Variants in PRSS22 observed in about 807,000 individuals in gnomAD.
The protein encoded by PRSS22 is serine protease 22.
In PRSS22, 26 loss-of-function variants were observed where a neutral mutation model predicts 28.0. That is an observed-to-expected ratio of 0.93 (90% CI 0.68 to 1.29). The LOEUF (loss-of-function observed/expected upper bound fraction) is 1.29, where lower values mean the gene tolerates loss of function less well. PRSS22 is among the 50% of genes most tolerant of loss of function. The probability of loss-of-function intolerance (pLI) is 0.00; values close to 1 mark genes in which losing one functional copy is unlikely to be tolerated. For synonymous variants in PRSS22, 217 were observed against 177.9 expected (o/e 1.22, Z -1.75); for missense variants, 444 against 422.1 (o/e 1.05, Z -0.46).
intron 4 of PRSS22, chr16:2,854,409 G>A (rs1441025693): frequency 9.7e-6 from 2 of 205,484 alleles, no homozygotes; most frequent in Non-Finnish European, 2.0e-5. Flanking sequence ...GCCTTGCCTG[G>A]AGCTGGTCTA....
At chr16:2,854,126 A>C in intron 4 of PRSS22, 104 bp from the exon 5 acceptor site, 131 of 1,321,026 alleles carry the variant, frequency 9.9e-5, no homozygotes, top group Non-Finnish European at 1.3e-4. Context: ...AGCGGTTCTC[A>C]AAGGCTAACA....
In PRSS22 at chr16:2,852,780, C is replaced by T; in HGVS notation, c.*313G>A. On this transcript the variant is annotated 3_prime_UTR_variant, in exon 6 of 6. Transcript: ENST00000161006. ...TGGAGGAATAAATAAGATATGTGGG[C>T]AGGGTTACAAATACCTATAAAAATC... The T allele has an allele frequency of 5.4e-6, 2 of 369,038 alleles. No homozygotes were observed. Among genetic ancestry groups the T allele is most frequent in the Non-Finnish European group, 9.7e-6 (2 of 206,962 alleles). The allele number at this position is 369,038 out of a possible 1,614,324, so 22.9% of individuals were successfully genotyped here.
chr16:2,855,079 G>A (rs998589906), intron 4 of PRSS22, among the ~76,000 whole-genome samples: 1 of 152,102 alleles, frequency 6.6e-6, no homozygotes, highest in Non-Finnish European at 1.5e-5. Flanking sequence ...CAGGCACAGT[G>A]GCTCACACCT....
At chr16:2,857,136 AGAAGGGGTCCAGTGCCCAGTGG>A (rs2069466217) in intron 1 of PRSS22, 5 of 519,736 alleles carry the variant, frequency 9.6e-6, no homozygotes, top group Non-Finnish European at 1.7e-5. Context: ...GCACCCAGTG[AGAAGGGGTCCAGTGCCCAGTGG>A]GAAGGGGTCC....
intron 3 of PRSS22, 96 bp downstream of exon 3, chr16:2,855,986 G>C: frequency 6.5e-7 from 1 of 1,527,910 alleles, no homozygotes; most frequent in South Asian, 1.2e-5. Context: ...AGATTGAACA[G>C]AGGCCCGGAA....
At position 2,853,395 on chromosome 16, in the gene PRSS22, C is replaced by T; in HGVS notation, c.718-66G>A. 1.5e-6 allele frequency: 2 copies of T among 1,361,104 alleles called. No homozygotes were observed. Among genetic ancestry groups the T allele is most frequent in the South Asian group, 2.5e-5 (2 of 79,306 alleles). 84.3% of individuals were successfully genotyped at this position (1,361,104 alleles called of 1,614,324 possible). ...GGGGTGGCAGAATCCAGGGCCCGTG[C>T]CCTGTCAGGGGGCAGATGAGCCCCT... is the stretch of plus-strand genomic sequence containing the variant. On this transcript the variant is annotated intron_variant, in intron 5 of 5. Transcript: ENST00000161006. This position sits in a 1 kb window ranked among gnomAD's most constrained non-coding sequence, Gnocchi z 4.6.
chr16:2,855,184 C>T (rs1158917061), intron 4 of PRSS22, among the ~76,000 whole-genome samples: 3 of 151,518 alleles, frequency 2.0e-5, no homozygotes, highest in Non-Finnish European at 4.4e-5. Flanking sequence ...CCTGTCTCTA[C>T]AAAAAATACA....
intron 1 of PRSS22, 63 bp from the exon 2 acceptor site, chr16:2,856,911 C>T (rs535245937): frequency 6.5e-7 from 1 of 1,533,656 alleles, no homozygotes; most frequent in Non-Finnish European, 8.8e-7. Context: ...TGGTGAGGGG[C>T]CCTCAACGCC....
At chr16:2,856,792 C>T (rs1337850977) in intron 2 of PRSS22, 30 bp downstream of exon 2, 1 of 1,551,562 alleles carries the variant, frequency 6.4e-7, no homozygotes, top group African/African-American at 1.4e-5. Context: ...CTCCCTTCTC[C>T]CTCCCGTCAG....
chr16:2,853,304 C>T lies in PRSS22; in HGVS notation c.743G>A (p.Cys248Tyr), dbSNP rs1174894310. 6.3e-7 allele frequency: 1 copy of T among 1,598,334 alleles called. No homozygotes were observed. ...CLGDSGGPLM[C>Y]QVDGAWLLAG... is the part of the protein sequence containing the mutation. ...CAGCAGCCAGGCGCCGTCCACCTGG[C>T]ACATGAGGGGGCCCCCGGAGTCGCC... Residue 248 changes from cysteine (C) to tyrosine (Y), a missense_variant, in exon 6 of 6, where the codon TGC (cysteine) becomes TAC (tyrosine). Transcript: ENST00000161006. The surrounding 1 kb of genome is among the most constrained non-coding windows in gnomAD (Gnocchi z 4.6).
At chr16:2,857,503 G>T in intron 1 of PRSS22, 1 of 181,014 alleles carries the variant, frequency 5.5e-6, no homozygotes, top group Non-Finnish European at 1.2e-5. Flanking sequence ...CTCAACCCCA[G>T]GGCCCCTACC....
chr16:2,855,483 C>A (rs1283601327), intron 4 of PRSS22, 91 bp downstream of exon 4: 3 of 1,459,202 alleles, frequency 2.1e-6, no homozygotes, highest in Admixed American at 1.8e-5. Context: ...TGGCCTCCAC[C>A]CTTTGTTGCT....
Position 2,853,246 on chromosome 16 carries a change from G to A in PRSS22, c.801C>T (p.Ala267=). Residue 267 remains alanine, a synonymous_variant, in exon 6 of 6, where the codon GCC becomes GCT. Coordinates refer to ENST00000161006, the MANE Select transcript of PRSS22 (RefSeq NM_022119.4). The surrounding 1 kb of genome is among the most constrained non-coding windows in gnomAD (Gnocchi z 4.6). ...AGIISWGEGC[A]ERNRPGVYIS... ...TGTAGACCCCGGGCCTGTTGCGCTC[G>A]GCACAGCCCTCGCCCCAGCTGATGA... The A allele has an allele frequency of 6.2e-7, 1 of 1,600,880 alleles. No individual in the cohort carries two copies. The highest frequency in any genetic ancestry group is 8.5e-7 in the Non-Finnish European group (1 of 1,179,714).
In PRSS22 at chr16:2,857,782, C is replaced by T. The variant is rs60219212; in HGVS notation, c.82+241G>A. On this transcript the variant is annotated intron_variant, in intron 1 of 5. Transcript: ENST00000161006. ...GAACACGGAGGCGAGAGGGAGCAGG[C>T]GATGGCGACGCCGACGGTAACTGGA... 2,838 of 373,566 alleles carry T rather than the reference C, an allele frequency of 7.6e-3. 88 individuals are homozygous for T. The highest frequency in any genetic ancestry group is 0.059 in the Admixed American group (1,292 of 21,782). The allele number at this position is 373,566 out of a possible 1,614,324, so 23.1% of individuals were successfully genotyped here.
rs1157418221 is a variant in PRSS22 at position 2,856,099 on chromosome 16, AG to A, written c.263del (p.Ala88ValfsTer9). 3.1e-6 allele frequency: 5 copies of A among 1,613,962 alleles called. 1 individual carries two copies. The Admixed American group carries it at 8.3e-5, about 27-fold the overall frequency. ...SLLTSRWVIT[A>X]AHCFKDNLNK... ...GTACATACTCCTTGAAACAGTGGGCAGCAGTGATCACCCAGCGGCTGGTGAG... is the reference window on the plus strand; with the variant it reads ...GTACATACTCCTTGAAACAGTGGGCACAGTGATCACCCAGCGGCTGGTGAG... On this transcript the variant is annotated frameshift_variant, in exon 3 of 6. Transcript: ENST00000161006. LOFTEE classifies it high-confidence loss of function.
chr16:2,856,797 C>G (rs1242819791), intron 2 of PRSS22, 25 bp downstream of exon 2: 2 of 1,551,702 alleles, frequency 1.3e-6, no homozygotes, highest in Non-Finnish European at 1.7e-6. Flanking sequence ...TTCTCCCTCC[C>G]GTCAGAGCTG....
At chr16:2,855,120 G>T (rs984490899) in intron 4 of PRSS22, among the ~76,000 whole-genome samples, 5 of 152,036 alleles carry the variant, frequency 3.3e-5, no homozygotes, top group Non-Finnish European at 7.4e-5. Flanking sequence ...GGCTGAGGCT[G>T]GTGGATTGCT....
intron 3 of PRSS22, 71 bp from the exon 4 acceptor site, chr16:2,855,922 G>A (rs1306343013): frequency 2.6e-6 from 4 of 1,547,826 alleles, no homozygotes; most frequent in Non-Finnish European, 3.5e-6. Flanking sequence ...AACAGCATGG[G>A]TGTGAAGGCC....
chr16:2,857,694 C>G, intron 1 of PRSS22: 1 of 219,812 alleles, frequency 4.5e-6, no homozygotes, highest in Non-Finnish European at 8.9e-6. Context: ...TGACCTCCTG[C>G]GGCAGGAACA....
Sources: allele counts gnomAD v4.1 joint callset (sites outside exome capture counted in the v4.1 genomes callset), GRCh38; gene constraint gnomAD v4.1.1; non-coding constraint Gnocchi (gnomAD v3.1); transcripts MANE v1.5; gene names NCBI Gene and HGNC (gene_info 2026-07-23, HGNC 2026-07-21).